The following GPC6 variants were observed in gnomAD, a reference collection of about 807,000 sequenced individuals.
GPC6 encodes the protein glypican-6.
GPC6 carries 14 observed loss-of-function variants against 55.2 expected under a neutral mutation model. The observed-to-expected ratio is 0.25, with a 90% CI of 0.17 to 0.40. The LOEUF (loss-of-function observed/expected upper bound fraction) is 0.40, where lower values mean the gene tolerates loss of function less well. Among genes scored for constraint, GPC6 ranks in the 10% least tolerant of loss-of-function variants. The pLI, the probability that GPC6 is intolerant of heterozygous loss-of-function variation, is 1.00. For missense variants in GPC6, 641 were observed against 708.5 expected, an observed-to-expected ratio of 0.90 and a Z score of 1.08; for synonymous variants, 278 against 259.6, an observed-to-expected ratio of 1.07 and a Z score of -0.68.
chr13:94,223,594 A>AT (rs1215538948), intron 4 of GPC6, among the ~76,000 whole-genome samples: 1 of 152,146 alleles, frequency 6.6e-6, no homozygotes, highest in Non-Finnish European at 1.5e-5. Flanking sequence ...CTCCATGAGG[A>AT]TAAAAATGCA....
chr13:93,992,896 A>G (rs945346432), intron 3 of GPC6, among the ~76,000 whole-genome samples: 2 of 152,202 alleles, frequency 1.3e-5, no homozygotes, highest in African/African-American at 4.8e-5. Flanking sequence ...GAACACAAGT[A>G]GTTTGTCTCT....
At chr13:94,260,129 CT>C (rs1369987596) in intron 4 of GPC6, among the ~76,000 whole-genome samples, 1 of 152,098 alleles carries the variant, frequency 6.6e-6, no homozygotes, top group Non-Finnish European at 1.5e-5. Flanking sequence ...CTGTAAAGTA[CT>C]GAATATAGAG....
rs548563978 is a variant in GPC6, at chr13:94,398,611, A to G, written c.1435A>G (p.Asn479Asp). 1.9e-5 allele frequency: 30 copies of G among 1,614,168 alleles called. No individual in the cohort carries two copies. The highest frequency in any genetic ancestry group is 8.3e-5 in the Admixed American group (5 of 60,030). ...GACCAACAAACTAAAAAACGCCTACAATGGCAATGATGTCAATTTCCAGGA... is the reference window on the plus strand; with the variant it reads ...GACCAACAAACTAAAAAACGCCTACGATGGCAATGATGTCAATTTCCAGGA... ...VMTNKLKNAY[N>D]GNDVNFQDTS... Residue 479 changes from asparagine (N) to aspartate (D), a missense_variant, in exon 8 of 9, where the codon AAT becomes GAT. Coordinates refer to ENST00000377047, the MANE Select transcript of GPC6 (RefSeq NM_005708.5).
intron 6 of GPC6, among the ~76,000 whole-genome samples, chr13:94,363,473 G>A (rs77423784): frequency 1.3e-5 from 2 of 152,232 alleles, no homozygotes; most frequent in East Asian, 1.9e-4. Context: ...GGAGAGTGAG[G>A]TCAGAGAAAA....
intron 2 of GPC6, among the ~76,000 whole-genome samples, chr13:93,747,490 G>A (rs1455721015): frequency 1.3e-5 from 2 of 152,174 alleles, no homozygotes; most frequent in Non-Finnish European, 2.9e-5. Flanking sequence ...GAAATTGATG[G>A]CCCTGTCGCT....
chr13:93,887,979 C>A (rs1379529964), intron 3 of GPC6, among the ~76,000 whole-genome samples: 1 of 152,082 alleles, frequency 6.6e-6, no homozygotes, highest in Non-Finnish European at 1.5e-5. Flanking sequence ...ATCTGGGGTC[C>A]ACTCCATAGC....
At chr13:93,529,247 A>G (rs534552173) in intron 1 of GPC6, among the ~76,000 whole-genome samples, 11 of 152,184 alleles carry the variant, frequency 7.2e-5, no homozygotes, top group Non-Finnish European at 1.6e-4. Context: ...GCTGGGGTGA[A>G]GTGAAACAGG....
intron 4 of GPC6, among the ~76,000 whole-genome samples, chr13:94,193,222 T>A (rs1889458057): frequency 6.6e-6 from 1 of 152,136 alleles, no homozygotes; most frequent in South Asian, 2.1e-4. Context: ...CCTAATAGTT[T>A]GTATAGTTTC....
intron 1 of GPC6, among the ~76,000 whole-genome samples, chr13:93,515,101 C>A (rs138428388): frequency 2.8e-4 from 43 of 152,120 alleles, no homozygotes; most frequent in African/African-American, 9.7e-4. Context: ...TTCTCTCTTG[C>A]TATCTCCACT....
intron 2 of GPC6, among the ~76,000 whole-genome samples, chr13:93,636,596 G>A (rs1054758729): frequency 1.3e-5 from 2 of 152,116 alleles, no homozygotes; most frequent in Non-Finnish European, 2.9e-5. Context: ...AGCTATAAGA[G>A]CCACTGCATA....
intron 1 of GPC6, among the ~76,000 whole-genome samples, chr13:93,336,437 A>C (rs1025727747): frequency 6.6e-6 from 1 of 152,214 alleles, no homozygotes; most frequent in Non-Finnish European, 1.5e-5. Context: ...AGCACCAAAA[A>C]TTAATAAGCT....
intron 3 of GPC6, among the ~76,000 whole-genome samples, chr13:93,968,549 C>T (rs80210401): frequency 0.018 from 2,803 of 152,166 alleles, 100 homozygotes; most frequent in African/African-American, 0.064. Flanking sequence ...AAATCCTGTT[C>T]TGAAGAAGCA....
chr13:93,672,910 CTTCT>C (rs1275504436), intron 2 of GPC6, among the ~76,000 whole-genome samples: 1 of 151,980 alleles, frequency 6.6e-6, no homozygotes, highest in Non-Finnish European at 1.5e-5. Context: ...GTCTTCCTGA[CTTCT>C]TTGAGTTCTG....
At chr13:93,805,985 G>A (rs954449944) in intron 2 of GPC6, among the ~76,000 whole-genome samples, 2 of 152,124 alleles carry the variant, frequency 1.3e-5, no homozygotes, top group East Asian at 1.9e-4. Flanking sequence ...CATTCACCAC[G>A]CTATGCCTTA....
chr13:93,281,217 T>A (rs1594070966), intron 1 of GPC6, among the ~76,000 whole-genome samples: 1 of 152,314 alleles, frequency 6.6e-6, no homozygotes, highest in East Asian at 1.9e-4. Flanking sequence ...GATAACAGAT[T>A]AAAGTTGCTT....
intron 4 of GPC6, among the ~76,000 whole-genome samples, chr13:94,178,227 G>C (rs1023725484): frequency 6.6e-6 from 1 of 151,984 alleles, no homozygotes; most frequent in African/African-American, 2.4e-5. Flanking sequence ...TTGAACTCCT[G>C]ACTTTGTGAT....
Position 94,001,143 on chromosome 13 carries a change from A to G in GPC6, c.712-26586A>G, listed in dbSNP as rs553157043. Among the ~76,000 whole-genome samples the G allele has an allele frequency of 1.2e-4, 19 of 152,330 alleles. No individual in the cohort carries two copies. The South Asian group carries it at 3.9e-3, about 32-fold the overall frequency. On this transcript the variant is annotated intron_variant, in intron 3 of 8. Transcript: ENST00000377047. The stretch of plus-strand genomic sequence containing the variant: ...TTACAAATCAAACCAGCAAACATTT[A>G]TTGAACACCTTAGGCAAGTTACTTA...
At chr13:93,770,763 C>G (rs1885264178) in intron 2 of GPC6, among the ~76,000 whole-genome samples, 1 of 152,156 alleles carries the variant, frequency 6.6e-6, no homozygotes. Flanking sequence ...ATCTAGTTCT[C>G]AGCACTTCAA....
intron 4 of GPC6, among the ~76,000 whole-genome samples, chr13:94,113,833 C>T (rs1310817034): frequency 6.6e-6 from 1 of 151,448 alleles, no homozygotes; most frequent in Non-Finnish European, 1.5e-5. Flanking sequence ...CCAGCCTGGC[C>T]AACATTGTGA....
Sources: gnomAD v4.1 joint callset for allele counts (sites outside exome capture counted in the v4.1 genomes callset) on GRCh38, gnomAD v4.1.1 for gene constraint, MANE v1.5 for transcripts, NCBI Gene and HGNC (gene_info 2026-07-23, HGNC 2026-07-21) for gene names.